RORA: variants seen among roughly 807,000 people sequenced by gnomAD.
RORA encodes the protein nuclear receptor ROR-alpha.
In RORA, 7 loss-of-function variants were observed where a neutral mutation model predicts 69.5. That is an observed-to-expected ratio of 0.10 (90% CI 0.06 to 0.19). The LOEUF (loss-of-function observed/expected upper bound fraction) is 0.19. Among genes scored for constraint, RORA ranks in the 10% least tolerant of loss-of-function variants. RORA has a pLI of 1.00. For synonymous variants in RORA, 261 were observed against 240.8 expected (o/e 1.08, Z -0.78); for missense variants, 457 against 663.0 (o/e 0.69, Z 3.41).
At chr15:61,188,097 C>G (rs1596058375) in intron 1 of RORA, among the ~76,000 whole-genome samples, 1 of 152,110 alleles carries the variant, frequency 6.6e-6, no homozygotes, top group African/African-American at 2.4e-5. Flanking sequence ...CCTGTCGTTC[C>G]CCCGAAATAC....
chr15:61,192,766 T>G (rs942637513), intron 1 of RORA, among the ~76,000 whole-genome samples: 1 of 152,198 alleles, frequency 6.6e-6, no homozygotes, highest in African/African-American at 2.4e-5. Flanking sequence ...GAGACTTGAG[T>G]TCACCTCCCA....
At chr15:61,177,038 G>A (rs1368287375) in intron 1 of RORA, among the ~76,000 whole-genome samples, 2 of 152,134 alleles carry the variant, frequency 1.3e-5, no homozygotes, top group Non-Finnish European at 2.9e-5. Flanking sequence ...GCCTTAAATG[G>A]ATATCGATGA....
In RORA at chr15:60,537,736, T is replaced by C. The variant is rs1423818080; in HGVS notation, c.197-5885A>G. On this transcript the variant is annotated intron_variant, in intron 2 of 10. Transcript: ENST00000335670. The surrounding 1 kb of genome is among the most constrained non-coding windows in gnomAD (Gnocchi z 4.9). ...GGCCACTTGGTCTGCTAAGTTCATT[T>C]TAAATATAACACTAATATGTTTCCC... 6.6e-6 allele frequency among the ~76,000 whole-genome samples: 1 copy of C among 152,222 alleles called. No individual in the cohort carries two copies. Among genetic ancestry groups the C allele is most frequent in the African/African-American group, 2.4e-5 (1 of 41,462 alleles).
intron 1 of RORA, among the ~76,000 whole-genome samples, chr15:61,023,857 T>C (rs1895663832): frequency 6.6e-6 from 1 of 152,200 alleles, no homozygotes; most frequent in Admixed American, 6.5e-5. Context: ...TCTTCATCAG[T>C]AGATAACTCC....
chr15:61,048,680 G>A (rs1025729527), intron 1 of RORA, among the ~76,000 whole-genome samples: 9 of 152,170 alleles, frequency 5.9e-5, no homozygotes, highest in African/African-American at 1.9e-4. Flanking sequence ...ACACTTTGAC[G>A]TCGAGTCCAA....
intron 1 of RORA, among the ~76,000 whole-genome samples, chr15:61,171,408 A>C: frequency 6.6e-6 from 1 of 152,144 alleles, no homozygotes; most frequent in Non-Finnish European, 1.5e-5. Context: ...CCCCACCCCC[A>C]GAGTTCAGTA....
Position 61,124,335 on chromosome 15 carries a change from G to A in RORA, c.166+104718C>T, listed in dbSNP as rs2079126568. 1.3e-5 allele frequency among the ~76,000 whole-genome samples: 2 copies of A among 152,228 alleles called. 1 individual carries two copies. Among genetic ancestry groups the A allele is most frequent in the South Asian group, 4.1e-4 (2 of 4,832 alleles). ...TTTCCTATATATTTGGATCCCGACT[G>A]CGGTCTACCTCCAGGCAGGAACAAA... On this transcript the variant is annotated intron_variant, in intron 1 of 10. Transcript: ENST00000335670.
chr15:60,908,847 C>T (rs1220080369), intron 1 of RORA, among the ~76,000 whole-genome samples: 2 of 151,888 alleles, frequency 1.3e-5, no homozygotes, highest in East Asian at 1.9e-4. Flanking sequence ...TGAAGATGGG[C>T]GTTCTTTTAC....
In RORA at chr15:60,560,478, G is replaced by C. The variant is rs538637927; in HGVS notation, c.197-28627C>G. The stretch of plus-strand genomic sequence containing the variant: ...GGAAGCCAAGGTGAGAGGATCACTT[G>C]AGCTCAGGAGTTCAAGACCAGCCTG... On this transcript the variant is annotated intron_variant, in intron 2 of 10. Transcript: ENST00000335670. Among the ~76,000 whole-genome samples the C allele has an allele frequency of 3.3e-5, 5 of 152,218 alleles. No individual in the cohort carries two copies. The East Asian group carries it at 9.6e-4, about 29-fold the overall frequency.
intron 1 of RORA, among the ~76,000 whole-genome samples, chr15:61,127,131 G>C (rs1030722130): frequency 2.0e-5 from 3 of 152,208 alleles, no homozygotes; most frequent in African/African-American, 7.2e-5. Context: ...CTGAAAGGCA[G>C]TGTGTCACAG....
intron 1 of RORA, among the ~76,000 whole-genome samples, chr15:61,132,430 C>A (rs755193087): frequency 6.6e-6 from 1 of 152,048 alleles, no homozygotes; most frequent in South Asian, 2.1e-4. Flanking sequence ...TTACCCTTGA[C>A]CCGATTTTAT....
At chr15:61,162,494 G>C (rs1215336996) in intron 1 of RORA, among the ~76,000 whole-genome samples, 1 of 152,190 alleles carries the variant, frequency 6.6e-6, no homozygotes, top group Non-Finnish European at 1.5e-5. Flanking sequence ...GCTAACAGTG[G>C]TCTTGGTGAG....
At chr15:61,081,906 T>C (rs553836702) in intron 1 of RORA, among the ~76,000 whole-genome samples, 1 of 151,874 alleles carries the variant, frequency 6.6e-6, no homozygotes, top group Non-Finnish European at 1.5e-5. Context: ...TTTACAACCA[T>C]TAATTAGTAA....
At chr15:60,564,361 A>G (rs950029549) in intron 2 of RORA, among the ~76,000 whole-genome samples, 3 of 152,230 alleles carry the variant, frequency 2.0e-5, no homozygotes, top group South Asian at 2.1e-4. Flanking sequence ...TTATAATGCA[A>G]TTGTTACTGA....
chr15:60,597,551 C>CACAACATAT (rs1555435946), intron 2 of RORA, among the ~76,000 whole-genome samples: 5 of 25,136 alleles, frequency 2.0e-4, no homozygotes, highest in Non-Finnish European at 3.7e-4. Flanking sequence ...ACACACACAA[C>CACAACATAT]ATATATATAT....
chr15:60,576,988 T>A (rs1322680126), intron 2 of RORA, among the ~76,000 whole-genome samples: 1 of 152,222 alleles, frequency 6.6e-6, no homozygotes, highest in Non-Finnish European at 1.5e-5. Flanking sequence ...TGATTAAAGA[T>A]AAACTGTAAA....
At chr15:60,985,588 T>TTTTTTG (rs1288061504) in intron 1 of RORA, among the ~76,000 whole-genome samples, 2 of 142,462 alleles carry the variant, frequency 1.4e-5, no homozygotes, top group Non-Finnish European at 3.1e-5. Flanking sequence ...TCCTCTTTTT[T>TTTTTTG]TTTTTTTTTT....
At chr15:60,767,940 G>A (rs73428311) in intron 1 of RORA, among the ~76,000 whole-genome samples, 2,297 of 152,222 alleles carry the variant, frequency 0.015, 70 homozygotes, top group African/African-American at 0.053. Context: ...GCCACATCTC[G>A]TTCATCACTC....
chr15:61,201,523 G>C (rs989507602), intron 1 of RORA, among the ~76,000 whole-genome samples: 1 of 152,294 alleles, frequency 6.6e-6, no homozygotes, highest in South Asian at 2.1e-4. Flanking sequence ...GATTTGCCTC[G>C]AGTCAGATTC....
Sources: gnomAD v4.1 joint callset for allele counts (sites outside exome capture counted in the v4.1 genomes callset) on GRCh38, gnomAD v4.1.1 for gene constraint, Gnocchi (gnomAD v3.1) non-coding constraint, MANE v1.5 for transcripts, NCBI Gene and HGNC (gene_info 2026-07-23, HGNC 2026-07-21) for gene names.